The following CTIF variants were observed in gnomAD, a reference collection of about 807,000 sequenced individuals.
CTIF encodes the protein cap binding complex dependent translation initiation factor.
CTIF carries 21 observed loss-of-function variants against 66.0 expected under a neutral mutation model. The observed-to-expected ratio is 0.32, with a 90% CI of 0.23 to 0.46. CTIF has a LOEUF of 0.46. CTIF is among the 20% of genes least tolerant of loss of function. CTIF has a pLI of 1.00. For missense variants in CTIF, 739 were observed against 812.7 expected (o/e 0.91, Z 1.10); for synonymous variants, 345 against 326.4 (o/e 1.06, Z -0.62).
rs1213079984 is a variant in CTIF, at chr18:48,654,986, A to C, written c.253-8766A>C. Reference sequence around the variant, plus strand: ...CCAGGGCCTGTGTGGGGTGGGGGGCAGGGGGAGAGATAGCATTAGGATAAA... The same window carrying C: ...CCAGGGCCTGTGTGGGGTGGGGGGCCGGGGGAGAGATAGCATTAGGATAAA... On this transcript the variant is annotated intron_variant, in intron 3 of 11. Coordinates refer to ENST00000256413, the MANE Select transcript of CTIF (RefSeq NM_014772.3). Among the ~76,000 whole-genome samples, 4 of 151,788 alleles carry C rather than the reference A, an allele frequency of 2.6e-5. No individual in the cohort carries two copies. In the East Asian group the frequency reaches 7.7e-4, roughly 29 times the overall value.
chr18:48,686,118 T>C (rs2091836945), intron 6 of CTIF, among the ~76,000 whole-genome samples: 1 of 152,264 alleles, frequency 6.6e-6, no homozygotes, highest in Admixed American at 6.5e-5. Context: ...AATGTCATCA[T>C]GCTGATCAGC....
chr18:48,558,990 G>A lies in CTIF; in HGVS notation c.-29+19678G>A, dbSNP rs551368903. 2.0e-5 allele frequency among the ~76,000 whole-genome samples: 3 copies of A among 152,292 alleles called. No individual in the cohort carries two copies. The East Asian group carries it at 5.8e-4, about 29-fold the overall frequency. On this transcript the variant is annotated intron_variant, in intron 1 of 11. Transcript: ENST00000256413. ...CAGAATCTGTAAGAGTTATGTTGTAGGAGAGATAATCACCTGTAGCACTGG... is the reference window on the plus strand; with the variant it reads ...CAGAATCTGTAAGAGTTATGTTGTAAGAGAGATAATCACCTGTAGCACTGG...
intron 1 of CTIF, among the ~76,000 whole-genome samples, chr18:48,615,276 A>G (rs1040034903): frequency 2.6e-5 from 4 of 152,146 alleles, no homozygotes; most frequent in Non-Finnish European, 5.9e-5. Flanking sequence ...CCAGGCTGAG[A>G]GCTGTGGAGG....
intron 1 of CTIF, among the ~76,000 whole-genome samples, chr18:48,563,213 G>A (rs192078806): frequency 0.03 from 779 of 26,340 alleles, 7 homozygotes; most frequent in African/African-American, 0.042. Flanking sequence ...CTGCAGGGAT[G>A]ACACCCAGCC....
rs1568037795 is a variant in CTIF, at chr18:48,568,634, A to AAAAAAAAAAAAAG, written c.-29+29334_-29+29335insGAAAAAAAAAAAA. Among the ~76,000 whole-genome samples, 30 of 32,962 alleles carry AAAAAAAAAAAAAG rather than the reference A, an allele frequency of 9.1e-4. 3 individuals carry two copies. Among genetic ancestry groups the AAAAAAAAAAAAAG allele is most frequent in the South Asian group, 2.6e-3 (2 of 766 alleles). 21.6% of individuals were successfully genotyped at this position (32,962 alleles called of 152,430 possible). On this transcript the variant is annotated intron_variant, in intron 1 of 11. Coordinates refer to ENST00000256413, the MANE Select transcript of CTIF (RefSeq NM_014772.3). ...AAATACCTGAGACTGGGCAATTTGTAAAAAAAAAAAAAAAAAAAAAAAAAA... is the reference window on the plus strand; with the variant it reads ...AAATACCTGAGACTGGGCAATTTGTAAAAAAAAAAAAAGAAAAAAAAAAAAAAAAAAAAAAAAA...
intron 10 of CTIF, among the ~76,000 whole-genome samples, chr18:48,851,249 G>A (rs528627902): frequency 7.2e-5 from 11 of 152,336 alleles, no homozygotes; most frequent in Admixed American, 3.3e-4. Flanking sequence ...AGAAGGCATG[G>A]GAAGGGGAAG....
chr18:48,583,103 C>T (rs1460714409), intron 1 of CTIF, among the ~76,000 whole-genome samples: 1 of 152,136 alleles, frequency 6.6e-6, no homozygotes, highest in Non-Finnish European at 1.5e-5. Flanking sequence ...AACTGCTGGC[C>T]TTCAGGGGGC....
At chr18:48,580,170 A>G (rs979925032) in intron 1 of CTIF, among the ~76,000 whole-genome samples, 3 of 152,170 alleles carry the variant, frequency 2.0e-5, no homozygotes, top group Admixed American at 2.0e-4. Flanking sequence ...TGCCCATCCA[A>G]GTGGAAGCCA....
At chr18:48,616,991 A>T (rs763047974) in intron 1 of CTIF, among the ~76,000 whole-genome samples, 4 of 152,168 alleles carry the variant, frequency 2.6e-5, no homozygotes, top group Non-Finnish European at 4.4e-5. Flanking sequence ...TCATTATCTC[A>T]CAGTTCTGTA....
chr18:48,849,214 T>C (rs954701049), intron 10 of CTIF, among the ~76,000 whole-genome samples: 2 of 149,126 alleles, frequency 1.3e-5, no homozygotes, highest in Non-Finnish European at 3.0e-5. Context: ...TTTTTTTTTT[T>C]TGAGACAGAG....
intron 6 of CTIF, among the ~76,000 whole-genome samples, chr18:48,703,206 A>G (rs1211568366): frequency 6.6e-6 from 1 of 152,200 alleles, no homozygotes; most frequent in Non-Finnish European, 1.5e-5. Flanking sequence ...GATGTAATCA[A>G]TATAGAAGCT....
At chr18:48,701,344 C>T (rs181572577) in intron 6 of CTIF, among the ~76,000 whole-genome samples, 8 of 152,284 alleles carry the variant, frequency 5.3e-5, no homozygotes, top group Admixed American at 2.0e-4. Flanking sequence ...GGGAATGGAG[C>T]ATGTCAGTCC....
At chr18:48,653,924 T>C (rs1246762385) in intron 3 of CTIF, among the ~76,000 whole-genome samples, 1 of 152,214 alleles carries the variant, frequency 6.6e-6, no homozygotes, top group African/African-American at 2.4e-5. Context: ...GCTAGCCATA[T>C]GGAGAAAGCT....
At chr18:48,635,838 C>T (rs995855455) in intron 2 of CTIF, among the ~76,000 whole-genome samples, 1 of 152,188 alleles carries the variant, frequency 6.6e-6, no homozygotes, top group African/African-American at 2.4e-5. Flanking sequence ...CAGCCAGTCA[C>T]CCAGCATGGC....
At chr18:48,856,403 C>T (rs2069328737) in intron 10 of CTIF, among the ~76,000 whole-genome samples, 2 of 152,186 alleles carry the variant, frequency 1.3e-5, no homozygotes, top group African/African-American at 4.8e-5. Flanking sequence ...AAATTCTAAT[C>T]CTATGTAATA....
At chr18:48,814,222 AG>A (rs1355193456) in intron 9 of CTIF, among the ~76,000 whole-genome samples, 4 of 152,220 alleles carry the variant, frequency 2.6e-5, no homozygotes, top group African/African-American at 9.6e-5. Context: ...GGGGGTTGAT[AG>A]AGGGGCACCA....
intron 1 of CTIF, among the ~76,000 whole-genome samples, chr18:48,589,490 A>G (rs757037511): frequency 6.6e-6 from 1 of 152,206 alleles, no homozygotes; most frequent in Non-Finnish European, 1.5e-5. Flanking sequence ...GTTTACATCT[A>G]TAAAGACCCT....
At chr18:48,746,116 C>T (rs1009877982) in intron 7 of CTIF, among the ~76,000 whole-genome samples, 4 of 152,242 alleles carry the variant, frequency 2.6e-5, no homozygotes, top group Non-Finnish European at 5.9e-5. Flanking sequence ...GGCTCCACAG[C>T]CCAGGAAGCC....
chr18:48,851,894 T>C (rs1280042602), intron 10 of CTIF, among the ~76,000 whole-genome samples: 1 of 152,092 alleles, frequency 6.6e-6, no homozygotes, highest in Non-Finnish European at 1.5e-5. Context: ...TTTTTCCTGC[T>C]AAGCACCCTA....
Sources: gnomAD v4.1 joint callset for allele counts (sites outside exome capture counted in the v4.1 genomes callset) on GRCh38, gnomAD v4.1.1 for gene constraint, MANE v1.5 for transcripts, NCBI Gene and HGNC (gene_info 2026-07-23, HGNC 2026-07-21) for gene names.